Variants in PRDM12 observed in about 807,000 individuals in gnomAD.
PRDM12 encodes PR/SET domain 12, also known as PR domain zinc finger protein 12.
A neutral mutation model predicts 29.6 loss-of-function variants in PRDM12; 17 were observed. That is an observed-to-expected ratio of 0.57 (90% CI 0.39 to 0.86). The LOEUF is 0.86. Ranked by LOEUF, PRDM12 falls within the 40% of genes least tolerant of loss-of-function variation. PRDM12 has a pLI of 0.00. For missense variants in PRDM12, 422 were observed against 510.8 expected (o/e 0.83, Z 1.68); for synonymous variants, 231 against 225.8 (o/e 1.02, Z -0.21).
In PRDM12 at chr9:130,680,663, T is replaced by A. The variant is rs867879038; in HGVS notation, c.683-585T>A. Among the ~76,000 whole-genome samples the A allele has an allele frequency of 6.6e-3, 679 of 102,514 alleles. 4 individuals are homozygous for A. Among genetic ancestry groups the A allele is most frequent in the East Asian group, 0.022 (55 of 2,468 alleles). The allele number at this position is 102,514 out of a possible 152,430, so 67.3% of individuals were successfully genotyped here. A position where few individuals can be genotyped will look rare whatever the true frequency, so the allele number is the denominator to read the frequency against. ...TATATATATATATATATATATATTT[T>A]TTTTTTTTTTAACTGATCCTTACCA... On this transcript the variant is annotated intron_variant, in intron 4 of 4. Coordinates refer to ENST00000253008, the MANE Select transcript of PRDM12 (RefSeq NM_021619.3).
chr9:130,665,384 GTTTCT>G (rs1311932272), intron 1 of PRDM12, among the ~76,000 whole-genome samples: 1 of 152,108 alleles, frequency 6.6e-6, no homozygotes, highest in Admixed American at 6.5e-5. Flanking sequence ...AGCGAGAAAA[GTTTCT>G]TTTCTTTAAG....
Position 130,681,552 on chromosome 9 carries a change from G to A in PRDM12, c.987G>A (p.Ala329=), listed in dbSNP as rs771967985. ...KSARHRPPST[A]LQAHSPALPA... ...CGCGGCACCGGCCGCCCAGCACCGC[G>A]CTGCAGGCACACTCGCCCGCGCTGC... The change falls in exon 5 of 5, where the codon GCG becomes GCA. Residue 329 remains alanine (A), a synonymous_variant. Coordinates refer to ENST00000253008, the MANE Select transcript of PRDM12 (RefSeq NM_021619.3). The surrounding 1 kb of genome is among the most constrained non-coding windows in gnomAD (Gnocchi z 8.1). 3 of 1,244,672 alleles carry A rather than the reference G, an allele frequency of 2.4e-6. No homozygotes were observed. Among genetic ancestry groups the A allele is most frequent in the South Asian group, 3.1e-5 (1 of 32,128 alleles). 77.1% of individuals were successfully genotyped at this position (1,244,672 alleles called of 1,614,324 possible).
At chr9:130,680,675 ACTGATC>A (rs2132607302) in intron 4 of PRDM12, among the ~76,000 whole-genome samples, 1 of 96,322 alleles carries the variant, frequency 1.0e-5, no homozygotes, top group South Asian at 3.3e-4. Context: ...TTTTTTTTTA[ACTGATC>A]CTTACCATGT....
intron 4 of PRDM12, 29 bp downstream of exon 4, chr9:130,678,669 C>T (rs1452134711): frequency 6.5e-7 from 1 of 1,548,596 alleles, no homozygotes; most frequent in Non-Finnish European, 8.9e-7. Context: ...GCCGCTGAGA[C>T]ACAGACCCAT....
chr9:130,676,919 T>G (rs1830848146), intron 3 of PRDM12, among the ~76,000 whole-genome samples: 1 of 151,838 alleles, frequency 6.6e-6, no homozygotes. Context: ...CTTCTTTTTT[T>G]TTTCCTTGAG....
At chr9:130,674,754 G>A (rs746124219) in intron 3 of PRDM12, among the ~76,000 whole-genome samples, 7 of 151,942 alleles carry the variant, frequency 4.6e-5, no homozygotes, top group Admixed American at 6.6e-5. Context: ...TATACAATGC[G>A]GTCCATATGT....
intron 2 of PRDM12, among the ~76,000 whole-genome samples, 196 bp downstream of exon 2, chr9:130,666,994 G>C (rs1022578865): frequency 6.6e-6 from 1 of 152,150 alleles, no homozygotes; most frequent in Admixed American, 6.5e-5. Flanking sequence ...CTCCCAACCC[G>C]TGCCGAAAAT....
chr9:130,665,307 G>C (rs991271092), intron 1 of PRDM12, among the ~76,000 whole-genome samples: 21 of 152,210 alleles, frequency 1.4e-4, no homozygotes, highest in African/African-American at 4.6e-4. Flanking sequence ...GCCGGGGCTG[G>C]GGAGGGGGTG....
chr9:130,664,997 C>T lies in PRDM12; in HGVS notation c.223+121C>T. 1 of 1,041,416 alleles carries T rather than the reference C, an allele frequency of 9.6e-7. No homozygotes were observed. The highest frequency in any genetic ancestry group is 1.4e-6 in the Non-Finnish European group (1 of 736,872). The allele number at this position is 1,041,416 out of a possible 1,614,324, so 64.5% of individuals were successfully genotyped here. On this transcript the variant is annotated intron_variant, in intron 1 of 4. Transcript: ENST00000253008. The surrounding 1 kb of genome is among the most constrained non-coding windows in gnomAD (Gnocchi z 6.4). ...TCGCTGCTACTCGCGCCAACCTGGG[C>T]TCTCCCGGCGCTCGGTGCACCTCAG... is the stretch of plus-strand genomic sequence containing the variant.
Position 130,677,645 on chromosome 9 carries a change from C to G in PRDM12, c.571-884C>G, listed in dbSNP as rs192220310. ...CGCCCTGCCTGGCTAGGGCCTGGAGCTTCCCCACTTGGGAGGGGTAACTGG... is the reference window on the plus strand; with the variant it reads ...CGCCCTGCCTGGCTAGGGCCTGGAGGTTCCCCACTTGGGAGGGGTAACTGG... On this transcript the variant is annotated intron_variant, in intron 3 of 4. Coordinates refer to ENST00000253008, the MANE Select transcript of PRDM12 (RefSeq NM_021619.3). Among the ~76,000 whole-genome samples, 358 of 152,344 alleles carry G rather than the reference C, an allele frequency of 2.3e-3. 1 individual carries two copies. The highest frequency in any genetic ancestry group is 3.8e-3 in the Non-Finnish European group (261 of 68,030).
rs939233851 is a variant in PRDM12 at position 130,672,130 on chromosome 9, G to A, written c.570+3817G>A. 1.6e-4 allele frequency among the ~76,000 whole-genome samples: 24 copies of A among 152,208 alleles called. 1 individual carries two copies. Among genetic ancestry groups the A allele is most frequent in the Non-Finnish European group, 1.5e-5 (1 of 68,044 alleles). ...ATAACTTCAGGTGCCTAAAATGACAGTTCTAGAAAGTGCCTAGCACATAGT... is the reference window on the plus strand; with the variant it reads ...ATAACTTCAGGTGCCTAAAATGACAATTCTAGAAAGTGCCTAGCACATAGT... On this transcript the variant is annotated intron_variant, in intron 3 of 4. Transcript: ENST00000253008.
intron 4 of PRDM12, among the ~76,000 whole-genome samples, chr9:130,680,438 T>A (rs1830883095): frequency 6.6e-6 from 1 of 150,624 alleles, no homozygotes; most frequent in South Asian, 2.1e-4. Context: ...ATCGAGACCA[T>A]CCTGGCCAAC....
intron 3 of PRDM12, among the ~76,000 whole-genome samples, chr9:130,673,350 G>T (rs1279121674): frequency 6.6e-6 from 1 of 152,194 alleles, no homozygotes; most frequent in Non-Finnish European, 1.5e-5. Context: ...GAAGTTTGTT[G>T]ATGGCGGGTG....
In PRDM12 at chr9:130,668,257, G is replaced by C; in HGVS notation, c.514G>C (p.Glu172Gln). Residue 172 changes from glutamate to glutamine, a missense_variant, in exon 3 of 5, where the codon GAG becomes CAG. Glu to Gln is a conservative substitution (Grantham distance 29). Around this residue, in one of 5 missense-constraint regions of PRDM12, gnomAD observed 300 missense variants for 350.0 expected, o/e 0.86. Transcript: ENST00000253008. The surrounding 1 kb of genome is among the most constrained non-coding windows in gnomAD (Gnocchi z 4.0). The part of the protein sequence containing the change: ...TYIKCARNEQ[E>Q]QNLEVVQIGT... ...CATCAAGTGTGCACGTAACGAACAG[G>C]AGCAGAACCTGGAGGTGGTCCAGAT... 6.2e-7 allele frequency: 1 copy of C among 1,614,194 alleles called. No individual in the cohort carries two copies. The highest frequency in any genetic ancestry group is 8.5e-7 in the Non-Finnish European group (1 of 1,180,032).
intron 3 of PRDM12, among the ~76,000 whole-genome samples, chr9:130,671,989 G>A (rs1172518072): frequency 2.0e-5 from 3 of 152,178 alleles, no homozygotes; most frequent in African/African-American, 7.2e-5. Context: ...CGAAGGCAAC[G>A]GGGCTTTAGA....
Position 130,677,449 on chromosome 9 carries a change from CT to C in PRDM12, c.571-1076del, listed in dbSNP as rs372810093. The stretch of plus-strand genomic sequence containing the variant: ...ACCTCTAGATGGAATCCCATGCGAT[CT>C]TTTGTGCTTCAACTAAAAAAGGACC... On this transcript the variant is annotated intron_variant, in intron 3 of 4. Coordinates refer to ENST00000253008, the MANE Select transcript of PRDM12 (RefSeq NM_021619.3). 1.5e-3 allele frequency among the ~76,000 whole-genome samples: 236 copies of C among 152,372 alleles called. 1 individual carries two copies. The highest frequency in any genetic ancestry group is 5.5e-3 in the African/African-American group (229 of 41,580).
rs1258960771 is a variant in PRDM12, at chr9:130,664,961, G to A, written c.223+85G>A. 2.2e-6 allele frequency: 3 copies of A among 1,348,034 alleles called. No homozygotes were observed. The highest frequency in any genetic ancestry group is 2.9e-5 in the South Asian group (2 of 69,906). The allele number at this position is 1,348,034 out of a possible 1,614,324, so 83.5% of individuals were successfully genotyped here. A position where few individuals can be genotyped will look rare whatever the true frequency, so the allele number is the denominator to read the frequency against. On this transcript the variant is annotated intron_variant, in intron 1 of 4. Coordinates refer to ENST00000253008, the MANE Select transcript of PRDM12 (RefSeq NM_021619.3). The surrounding 1 kb of genome is among the most constrained non-coding windows in gnomAD (Gnocchi z 6.4). ...CTGGCGATGCGCGAGACGCGGCTGGGATACCCGGCCTCGCTGCTACTCGCG... is the reference window on the plus strand; with the variant it reads ...CTGGCGATGCGCGAGACGCGGCTGGAATACCCGGCCTCGCTGCTACTCGCG...
At chr9:130,673,103 C>A (rs1179222025) in intron 3 of PRDM12, among the ~76,000 whole-genome samples, 2 of 152,192 alleles carry the variant, frequency 1.3e-5, no homozygotes, top group African/African-American at 4.8e-5. Flanking sequence ...CCCTGCTCCC[C>A]AGAAAAGTGA....
chr9:130,666,529 C>A, intron 1 of PRDM12, 79 bp from the exon 2 acceptor site: 1 of 1,546,996 alleles, frequency 6.5e-7, no homozygotes, highest in South Asian at 1.2e-5. Flanking sequence ...GGACCGAAGC[C>A]GGGGTCCCGG....
Sources: allele counts gnomAD v4.1 joint callset (sites outside exome capture counted in the v4.1 genomes callset), GRCh38; gene constraint gnomAD v4.1.1; regional missense constraint gnomAD v4.1.1; non-coding constraint Gnocchi (gnomAD v3.1); transcripts MANE v1.5; gene names NCBI Gene and HGNC (gene_info 2026-07-23, HGNC 2026-07-21).